SPECC1: variants seen among roughly 807,000 people sequenced by gnomAD.
SPECC1 encodes the protein cytospin-B.
Under a neutral mutation model 104.1 loss-of-function variants are expected in SPECC1, and 62 were observed. That is an observed-to-expected ratio of 0.60 (90% CI 0.49 to 0.74). The LOEUF (loss-of-function observed/expected upper bound fraction) is 0.74. Ranked by LOEUF, SPECC1 falls within the 30% of genes least tolerant of loss-of-function variation. The pLI, the probability that SPECC1 is intolerant of heterozygous loss-of-function variation, is 0.00. For synonymous variants in SPECC1, 513 were observed against 501.6 expected (o/e 1.02, Z -0.30); for missense variants, 1,306 against 1,310.5 (o/e 1.00, Z 0.05).
Position 20,153,388 on chromosome 17 carries a change from G to A in SPECC1, c.283+42826G>A, listed in dbSNP as rs528996019. 1.1e-4 allele frequency among the ~76,000 whole-genome samples: 17 copies of A among 152,306 alleles called. No homozygotes were observed. In the East Asian group the frequency reaches 3.3e-3, roughly 29 times the overall value. Reference sequence around the variant, plus strand: ...AGAAGGACTTCATCTTAAGGGTAGAGGGGAGCCACAGGAACTTCTAGGCAG... The same window carrying A: ...AGAAGGACTTCATCTTAAGGGTAGAAGGGAGCCACAGGAACTTCTAGGCAG... On this transcript the variant is annotated intron_variant, in intron 3 of 14. Coordinates refer to ENST00000395527, the MANE Select transcript of SPECC1 (RefSeq NM_001243439.2).
At chr17:20,074,993 C>T (rs867660755) in intron 1 of SPECC1, among the ~76,000 whole-genome samples, 2 of 152,036 alleles carry the variant, frequency 1.3e-5, no homozygotes, top group South Asian at 2.1e-4. Context: ...ACCTCTGCCT[C>T]CCAGGTTCAA....
At chr17:20,238,056 T>G in intron 7 of SPECC1, 1 of 1,023,364 alleles carries the variant, frequency 9.8e-7, no homozygotes, top group Non-Finnish European at 1.2e-6. Context: ...CTGTGGGGTC[T>G]TGATTGAGCC....
intron 2 of SPECC1, among the ~76,000 whole-genome samples, chr17:20,105,713 C>T (rs1395706096): frequency 6.6e-6 from 1 of 152,180 alleles, no homozygotes; most frequent in East Asian, 1.9e-4. Context: ...CATGCCAGGT[C>T]CTCTTGCAGT....
chr17:20,186,055 C>T (rs898148260), intron 3 of SPECC1, among the ~76,000 whole-genome samples: 8 of 152,138 alleles, frequency 5.3e-5, no homozygotes, highest in Non-Finnish European at 7.4e-5. Flanking sequence ...TCAGGCTGGT[C>T]TCGAACTCCT....
chr17:20,221,041 A>C (rs965879008), intron 4 of SPECC1, among the ~76,000 whole-genome samples: 10 of 152,290 alleles, frequency 6.6e-5, no homozygotes, highest in African/African-American at 2.2e-4. Flanking sequence ...AATCTTTTAA[A>C]TATTTTGTTG....
chr17:20,223,893 G>C (rs965027467), intron 4 of SPECC1, among the ~76,000 whole-genome samples: 2 of 152,126 alleles, frequency 1.3e-5, no homozygotes, highest in Non-Finnish European at 2.9e-5. Context: ...TGATGCTTGT[G>C]GATGTTCATA....
intron 1 of SPECC1, among the ~76,000 whole-genome samples, chr17:20,090,225 G>A (rs1597676453): frequency 1.3e-5 from 2 of 152,292 alleles, no homozygotes; most frequent in East Asian, 3.9e-4. Flanking sequence ...GCAGGCGACC[G>A]TAGACACTGT....
At chr17:20,134,180 C>G (rs187715746) in intron 3 of SPECC1, among the ~76,000 whole-genome samples, 314 of 151,410 alleles carry the variant, frequency 2.1e-3, no homozygotes, top group Middle Eastern at 6.9e-3. Context: ...TAAAGCCACA[C>G]CTCCAATTTC....
chr17:20,309,904 G>A (rs375415819), intron 14 of SPECC1, among the ~76,000 whole-genome samples: 65 of 144,624 alleles, frequency 4.5e-4, no homozygotes, highest in African/African-American at 1.6e-3. Context: ...TGCAACCTCC[G>A]ACTTCCGGGT....
chr17:20,099,982 C>T (rs1190428085), intron 2 of SPECC1, among the ~76,000 whole-genome samples: 3 of 152,174 alleles, frequency 2.0e-5, no homozygotes, highest in Non-Finnish European at 4.4e-5. Context: ...CACACATCCT[C>T]CCATATACTT....
chr17:20,275,799 C>G (rs1159780537), intron 12 of SPECC1, among the ~76,000 whole-genome samples: 1 of 152,178 alleles, frequency 6.6e-6, no homozygotes, highest in East Asian at 1.9e-4. Context: ...AGTGGGAGCT[C>G]AAGTGTCCCC....
chr17:20,087,815 A>G (rs1463090242), intron 1 of SPECC1, among the ~76,000 whole-genome samples: 1 of 152,186 alleles, frequency 6.6e-6, no homozygotes, highest in Non-Finnish European at 1.5e-5. Context: ...GAGAGTCTTC[A>G]TTTGGTGATA....
chr17:20,262,910 C>T (rs1476308465), intron 12 of SPECC1, among the ~76,000 whole-genome samples: 3 of 151,844 alleles, frequency 2.0e-5, no homozygotes, highest in Non-Finnish European at 2.9e-5. Flanking sequence ...TTTGAGAGGC[C>T]GAGGGGGCAG....
chr17:20,048,969 A>G (rs1011479521), intron 1 of SPECC1, among the ~76,000 whole-genome samples: 9 of 152,214 alleles, frequency 5.9e-5, no homozygotes, highest in Non-Finnish European at 1.2e-4. Flanking sequence ...ACAGTATATA[A>G]AATTCAACAT....
At position 20,315,421 on chromosome 17, in the gene SPECC1, G is replaced by A. The variant is rs189773724; in HGVS notation, c.*1356G>A. 5 of 232,768 alleles carry A rather than the reference G, an allele frequency of 2.1e-5. No homozygotes were observed. The highest frequency in any genetic ancestry group is 3.6e-4 in the South Asian group (2 of 5,512). The allele number at this position is 232,768 out of a possible 1,614,324, so 14.4% of individuals were successfully genotyped here. A position where few individuals can be genotyped will look rare whatever the true frequency, so the allele number is the denominator to read the frequency against. ...CGAGTGCCCATCTGGTGGCTCTGCC[G>A]TGTTCTTCTGGGCGGATCTGTGTGC... On this transcript the variant is annotated 3_prime_UTR_variant, in exon 15 of 15. Transcript: ENST00000395527.
intron 1 of SPECC1, among the ~76,000 whole-genome samples, chr17:20,045,589 G>A (rs1466188547): frequency 6.6e-6 from 1 of 152,128 alleles, no homozygotes; most frequent in African/African-American, 2.4e-5. Context: ...CTCACATATG[G>A]TGGCTGTAAT....
chr17:20,229,123 C>G (rs1436893595), intron 5 of SPECC1, among the ~76,000 whole-genome samples: 1 of 152,174 alleles, frequency 6.6e-6, no homozygotes, highest in Non-Finnish European at 1.5e-5. Context: ...CAGACAGAGA[C>G]ACTTGGCCTT....
chr17:20,236,450 A>T (rs1004807860), intron 7 of SPECC1, among the ~76,000 whole-genome samples: 2 of 152,200 alleles, frequency 1.3e-5, no homozygotes, highest in Non-Finnish European at 2.9e-5. Flanking sequence ...CAATGTGGAC[A>T]TAAGCTTCCC....
At chr17:20,294,818 T>C (rs184628137) in intron 12 of SPECC1, among the ~76,000 whole-genome samples, 3 of 152,234 alleles carry the variant, frequency 2.0e-5, no homozygotes, top group Non-Finnish European at 4.4e-5. Context: ...TCTTTGAGCC[T>C]TTAATGACTC....
Sources: gnomAD v4.1 joint callset for allele counts (sites outside exome capture counted in the v4.1 genomes callset) on GRCh38, gnomAD v4.1.1 for gene constraint, MANE v1.5 for transcripts, NCBI Gene and HGNC (gene_info 2026-07-23, HGNC 2026-07-21) for gene names.